Variants in ALB observed in about 807,000 individuals in gnomAD.
ALB encodes serum albumin.
ALB carries 37 observed loss-of-function variants against 74.5 expected under a neutral mutation model. The ratio of observed to expected loss-of-function variants is 0.50; its 90% CI spans 0.38 to 0.65. The LOEUF is 0.65. ALB is among the 30% of genes least tolerant of loss of function. The pLI is 0.00. For missense variants in ALB, 685 were observed against 718.7 expected (o/e 0.95, Z 0.54); for synonymous variants, 249 against 251.6 (o/e 0.99, Z 0.10).
intron 13 of ALB, 143 bp downstream of exon 13, chr4:73,419,782 A>G (rs1415843987): frequency 1.8e-6 from 2 of 1,085,722 alleles, no homozygotes; most frequent in Non-Finnish European, 2.7e-6. Context: ...GTCTTACAAA[A>G]TGAATAAAAC....
At position 73,415,022 on chromosome 4, in the gene ALB, T is replaced by G; in HGVS notation, c.1059-13T>G. 6.2e-7 allele frequency: 1 copy of G among 1,613,838 alleles called. No homozygotes were observed. Among genetic ancestry groups the G allele is most frequent in the South Asian group, 1.1e-5 (1 of 91,080 alleles). ...TTGTCCAACAAAGTCTATTTTATTT[T>G]CATCTTAATTAGGTTTTTGTATGAA... On this transcript the variant is annotated splice_polypyrimidine_tract_variant and intron_variant, in intron 8 of 14. Coordinates refer to ENST00000295897, the MANE Select transcript of ALB (RefSeq NM_000477.7).
At chr4:73,409,613 T>A in intron 5 of ALB, 126 bp downstream of exon 5, 3 of 1,151,822 alleles carry the variant, frequency 2.6e-6, no homozygotes, top group Non-Finnish European at 3.8e-6. Flanking sequence ...AAGCCTTCCT[T>A]TTATCTGTCT....
At chr4:73,407,393 C>T (rs1718761983) in intron 3 of ALB, among the ~76,000 whole-genome samples, 1 of 152,192 alleles carries the variant, frequency 6.6e-6, no homozygotes, top group Non-Finnish European at 1.5e-5. Context: ...TTTCCCTTAG[C>T]ATAGTGCATT....
chr4:73,417,954 T>C (rs1298227569), intron 11 of ALB, 134 bp from the exon 12 acceptor site: 15 of 871,926 alleles, frequency 1.7e-5, no homozygotes, highest in Non-Finnish European at 2.2e-5. Context: ...GTTCAAGCCA[T>C]TCTCCTGCCT....
At chr4:73,409,310 T>C (rs1249708135) in intron 4 of ALB, 45 bp from the exon 5 acceptor site, 4 of 1,590,790 alleles carry the variant, frequency 2.5e-6, no homozygotes, top group Non-Finnish European at 3.4e-6. Flanking sequence ...TTCTGTAATA[T>C]TGTCTGCTAT....
At chr4:73,416,214 C>A in intron 9 of ALB, 42 bp from the exon 10 acceptor site, 2 of 1,533,866 alleles carry the variant, frequency 1.3e-6, no homozygotes, top group East Asian at 2.3e-5. Context: ...TGCATCTGAT[C>A]CTGAGGCATA....
At position 73,409,193 on chromosome 4, in the gene ALB, C is replaced by T; in HGVS notation, c.483-162C>T. 3.9e-6 allele frequency: 3 copies of T among 764,346 alleles called. No homozygotes were observed. The South Asian group carries it at 5.5e-5, about 14-fold the overall frequency. 47.3% of individuals were successfully genotyped at this position (764,346 alleles called of 1,614,324 possible). A position where few individuals can be genotyped will look rare whatever the true frequency, so the allele number is the denominator to read the frequency against. On this transcript the variant is annotated intron_variant, in intron 4 of 14. Coordinates refer to ENST00000295897, the MANE Select transcript of ALB (RefSeq NM_000477.7). ...CACACTTAACCCTTTTTTCCACATA[C>T]TTAAAGAATGACAGAGACAAGACCA...
At position 73,408,809 on chromosome 4, in the gene ALB, A is replaced by G. The variant is rs17855587; in HGVS notation, c.482+4A>G. Reference sequence around the variant, plus strand: ...ATGAAGAGACATTTTTGAAAAAGTAAGTAATCAGATGTTTATAGTTCAAAA... The same window carrying G: ...ATGAAGAGACATTTTTGAAAAAGTAGGTAATCAGATGTTTATAGTTCAAAA... On this transcript the variant is annotated splice_donor_region_variant and intron_variant, in intron 4 of 14. Coordinates refer to ENST00000295897, the MANE Select transcript of ALB (RefSeq NM_000477.7). 8 of 1,611,704 alleles carry G rather than the reference A, an allele frequency of 5.0e-6. No individual in the cohort carries two copies. The highest frequency in any genetic ancestry group is 6.8e-6 in the Non-Finnish European group (8 of 1,178,304).
chr4:73,407,140 T>A (rs967161108), intron 3 of ALB, among the ~76,000 whole-genome samples: 10 of 149,188 alleles, frequency 6.7e-5, no homozygotes, highest in Non-Finnish European at 1.2e-4. Context: ...ACCCTTAACA[T>A]GAGATCTACC....
At position 73,418,099 on chromosome 4, in the gene ALB, C is replaced by T; in HGVS notation, c.1440C>T (p.Val480=). The part of the protein sequence containing the change: ...MPCAEDYLSV[V]LNQLCVLHEK... ...TGCCTGTTCTTTAGCTATCCGTGGT[C>T]CTGAACCAGTTATGTGTGTTGCATG... is the stretch of plus-strand genomic sequence containing the variant. Residue 480 remains valine, a synonymous_variant, in exon 12 of 15, where the codon GTC becomes GTT. Coordinates refer to ENST00000295897, the MANE Select transcript of ALB (RefSeq NM_000477.7). 1 of 1,614,038 alleles carries T rather than the reference C, an allele frequency of 6.2e-7. No individual in the cohort carries two copies. Among genetic ancestry groups the T allele is most frequent in the Non-Finnish European group, 8.5e-7 (1 of 1,179,988 alleles).
At chr4:73,415,204 C>T (rs765612633) in intron 9 of ALB, 37 bp downstream of exon 9, 6 of 1,609,834 alleles carry the variant, frequency 3.7e-6, no homozygotes, top group Non-Finnish European at 4.2e-6. Context: ...AGTTCTTTGA[C>T]TGATGATTCC....
intron 3 of ALB, 86 bp from the exon 4 acceptor site, chr4:73,408,508 C>A: frequency 8.5e-7 from 1 of 1,181,636 alleles, no homozygotes. Flanking sequence ...CAAGCTTAAC[C>A]AGTATATTAA....
At chr4:73,408,531 G>A (rs1718789214) in intron 3 of ALB, 63 bp from the exon 4 acceptor site, 3 of 1,415,624 alleles carry the variant, frequency 2.1e-6, no homozygotes, top group Admixed American at 3.5e-5. Context: ...CCTTTGTACT[G>A]TTCTTTGGCT....
chr4:73,409,244 T>C (rs9631551), intron 4 of ALB, 111 bp from the exon 5 acceptor site: 38,152 of 1,194,130 alleles, frequency 0.032, 790 homozygotes, highest in Non-Finnish European at 0.038. Flanking sequence ...GCTTAATTGG[T>C]TAATTAGATA....
chr4:73,413,684 C>CT, intron 8 of ALB, 50 bp downstream of exon 8: 2 of 1,560,208 alleles, frequency 1.3e-6, no homozygotes, highest in Non-Finnish European at 1.8e-6. Context: ...GACCTCACAA[C>CT]TTAGGAGGAT....
intron 8 of ALB, among the ~76,000 whole-genome samples, chr4:73,414,261 A>G (rs765697892): frequency 2.0e-5 from 3 of 152,168 alleles, no homozygotes; most frequent in South Asian, 2.1e-4. Flanking sequence ...ACAAGATTTC[A>G]CTCATACAGA....
intron 2 of ALB, among the ~76,000 whole-genome samples, chr4:73,406,234 G>T (rs1277474808): frequency 6.6e-6 from 1 of 152,176 alleles, no homozygotes; most frequent in African/African-American, 2.4e-5. Flanking sequence ...ACTCCAGCCT[G>T]GGTGACAGAG....
chr4:73,410,539 G>T (rs1577937267), intron 6 of ALB, 130 bp downstream of exon 6: 2 of 703,888 alleles, frequency 2.8e-6, no homozygotes, highest in East Asian at 5.3e-5. Context: ...CTAACAGGTA[G>T]AACTCTAATA....
intron 10 of ALB, 70 bp from the exon 11 acceptor site, chr4:73,417,461 G>A: frequency 6.4e-7 from 1 of 1,566,942 alleles, no homozygotes; most frequent in Non-Finnish European, 8.8e-7. Context: ...CCGGCCAAGT[G>A]TTCTCTGTTT....
Sources: allele counts gnomAD v4.1 joint callset (sites outside exome capture counted in the v4.1 genomes callset), GRCh38; gene constraint gnomAD v4.1.1; transcripts MANE v1.5; gene names NCBI Gene and HGNC (gene_info 2026-07-23, HGNC 2026-07-21).